TOM1L2: variants seen among roughly 807,000 people sequenced by gnomAD.
The protein encoded by TOM1L2 is TOM1-like protein 2.
In TOM1L2, 31 loss-of-function variants were observed where a neutral mutation model predicts 67.9. The observed-to-expected ratio is 0.46, with a 90% confidence interval of 0.34 to 0.62. The LOEUF is 0.62. TOM1L2 is among the 20% of genes least tolerant of loss of function. The probability of loss-of-function intolerance (pLI) is 0.01; values close to 1 mark genes in which losing one functional copy is unlikely to be tolerated. For missense variants in TOM1L2, 606 were observed against 663.5 expected, an observed-to-expected ratio of 0.91 and a Z score of 0.95; for synonymous variants, 256 against 254.0, an observed-to-expected ratio of 1.01 and a Z score of -0.07.
chr17:17,867,503 C>A (rs1014881762), intron 8 of TOM1L2, among the ~76,000 whole-genome samples: 1 of 152,180 alleles, frequency 6.6e-6, no homozygotes, highest in Non-Finnish European at 1.5e-5. Flanking sequence ...CCCAGTCAGG[C>A]AGTGCAGGGG....
At chr17:17,848,034 C>G (rs2035746269) in intron 14 of TOM1L2, among the ~76,000 whole-genome samples, 1 of 152,154 alleles carries the variant, frequency 6.6e-6, no homozygotes, top group South Asian at 2.1e-4. Context: ...TGACCATTTT[C>G]CAGATCAGCA....
chr17:17,874,886 C>T (rs1166946402), intron 7 of TOM1L2, among the ~76,000 whole-genome samples: 3 of 152,234 alleles, frequency 2.0e-5, no homozygotes, highest in Non-Finnish European at 4.4e-5. Flanking sequence ...GGGGCTTCCA[C>T]ATCAGGGATT....
chr17:17,912,294 C>G (rs1409852487), intron 1 of TOM1L2, among the ~76,000 whole-genome samples: 5 of 151,742 alleles, frequency 3.3e-5, no homozygotes, highest in Admixed American at 1.3e-4. Context: ...CTGACCCCCC[C>G]ACCTCCCTCC....
intron 1 of TOM1L2, among the ~76,000 whole-genome samples, chr17:17,948,619 T>C (rs2041053624): frequency 6.6e-6 from 1 of 151,842 alleles, no homozygotes; most frequent in Admixed American, 6.6e-5. Context: ...GCCACTGAAC[T>C]CCAGCCTGGG....
At chr17:17,882,658 AAAGGAT>A (rs2037783732) in intron 6 of TOM1L2, 41 bp downstream of exon 6, 1 of 1,601,304 alleles carries the variant, frequency 6.2e-7, no homozygotes, top group Admixed American at 1.7e-5. Flanking sequence ...GAAAGATGAA[AAAGGAT>A]AGTCAGCTGG....
chr17:17,968,061 C>T (rs1050454444), intron 1 of TOM1L2, among the ~76,000 whole-genome samples: 6 of 152,172 alleles, frequency 3.9e-5, no homozygotes, highest in Admixed American at 3.9e-4. Flanking sequence ...CTAAATCGTA[C>T]CAGGTTAGAA....
At chr17:17,919,686 G>C (rs1254498735) in intron 1 of TOM1L2, among the ~76,000 whole-genome samples, 1 of 152,144 alleles carries the variant, frequency 6.6e-6, no homozygotes, top group Non-Finnish European at 1.5e-5. Flanking sequence ...GTTCCCTATG[G>C]GCAGTTTCTT....
chr17:17,923,261 C>T (rs556775499), intron 1 of TOM1L2, among the ~76,000 whole-genome samples: 64 of 152,224 alleles, frequency 4.2e-4, no homozygotes, highest in African/African-American at 1.5e-3. Flanking sequence ...ATTAGCCAGG[C>T]GTGGTGGTGG....
At chr17:17,851,068 CAG>C in intron 12 of TOM1L2, 116 bp from the exon 13 acceptor site, 1 of 1,167,848 alleles carries the variant, frequency 8.6e-7, no homozygotes, top group East Asian at 2.4e-5. Context: ...AAAATGTACA[CAG>C]AGCAAAAAAA....
rs373890822 is a variant in TOM1L2, at chr17:17,850,958, G to A, written c.1279-6C>T. On this transcript the variant is annotated splice_region_variant and splice_polypyrimidine_tract_variant and intron_variant, in intron 12 of 14. Transcript: ENST00000379504. Reference sequence around the variant, plus strand: ...GATGGCTGCGCAACGGGGATCTATGGAGGCGGCAAGCAGCGGGCCAGGCAG... The same window carrying A: ...GATGGCTGCGCAACGGGGATCTATGAAGGCGGCAAGCAGCGGGCCAGGCAG... 104 of 1,613,634 alleles carry A rather than the reference G, an allele frequency of 6.4e-5. No homozygotes were observed. Among genetic ancestry groups the A allele is most frequent in the Non-Finnish European group, 8.4e-5 (99 of 1,180,026 alleles).
intron 1 of TOM1L2, among the ~76,000 whole-genome samples, chr17:17,930,774 C>T (rs1381471046): frequency 1.3e-5 from 2 of 152,128 alleles, no homozygotes; most frequent in African/African-American, 4.8e-5. Flanking sequence ...TACCAAGAAC[C>T]AGAGAGATAA....
At chr17:17,951,060 T>C (rs1181253735) in intron 1 of TOM1L2, among the ~76,000 whole-genome samples, 1 of 152,150 alleles carries the variant, frequency 6.6e-6, no homozygotes, top group East Asian at 1.9e-4. Context: ...ACAAGCCAGG[T>C]AAGGGCTTTA....
chr17:17,964,371 G>GTAAA (rs1234033033), intron 1 of TOM1L2, among the ~76,000 whole-genome samples: 5 of 152,064 alleles, frequency 3.3e-5, no homozygotes, highest in African/African-American at 4.8e-5. Context: ...AATATCCCAA[G>GTAAA]TAAATAAATA....
chr17:17,886,577 A>C (rs1035210417), intron 4 of TOM1L2, among the ~76,000 whole-genome samples: 1 of 152,250 alleles, frequency 6.6e-6, no homozygotes, highest in Non-Finnish European at 1.5e-5. Context: ...TTTAGGGTCT[A>C]AAAACCAGTT....
At chr17:17,931,185 C>T (rs1897748265) in intron 1 of TOM1L2, among the ~76,000 whole-genome samples, 1 of 152,142 alleles carries the variant, frequency 6.6e-6, no homozygotes, top group African/African-American at 2.4e-5. Flanking sequence ...AACACATCCC[C>T]ACCTTTTCGT....
chr17:17,955,775 A>G (rs1383497607), intron 1 of TOM1L2, among the ~76,000 whole-genome samples: 2 of 152,142 alleles, frequency 1.3e-5, no homozygotes, highest in African/African-American at 2.4e-5. Context: ...TACAGTTCTT[A>G]AAGGCGGCGT....
chr17:17,925,138 C>T (rs2144645186), intron 1 of TOM1L2, among the ~76,000 whole-genome samples: 1 of 152,296 alleles, frequency 6.6e-6, no homozygotes, highest in African/African-American at 2.4e-5. Context: ...GCTGCCAGTA[C>T]TATGCTTCCT....
rs769193463 is a variant in TOM1L2 at position 17,848,808 on chromosome 17, C to CT, written c.1375+14dup. 1 of 1,613,976 alleles carries CT rather than the reference C, an allele frequency of 6.2e-7. No homozygotes were observed. ...GCAACAAAAGGGGGCTGTAAGGCCA[C>CT]TGGCCAGGCCATACCTTCACTTGTG... On this transcript the variant is annotated intron_variant, in intron 14 of 14. Transcript: ENST00000379504.
intron 2 of TOM1L2, among the ~76,000 whole-genome samples, chr17:17,899,560 G>A (rs551991637): frequency 3.3e-5 from 5 of 152,308 alleles, no homozygotes; most frequent in Non-Finnish European, 7.4e-5. Context: ...TTACATGTAG[G>A]TCTTGTGTCT....
Sources: allele counts gnomAD v4.1 joint callset (sites outside exome capture counted in the v4.1 genomes callset), GRCh38; gene constraint gnomAD v4.1.1; transcripts MANE v1.5; gene names NCBI Gene and HGNC (gene_info 2026-07-23, HGNC 2026-07-21).